VEPH1: variants seen among roughly 807,000 people sequenced by gnomAD.
VEPH1 encodes ventricular zone-expressed PH domain-containing protein homolog 1.
Under a neutral mutation model 85.2 loss-of-function variants are expected in VEPH1, and 80 were observed. The observed-to-expected ratio is 0.94, with a 90% CI of 0.78 to 1.13. The LOEUF is 1.13. Among genes scored for constraint, VEPH1 ranks in the 50% most tolerant of loss-of-function variants. The probability of loss-of-function intolerance (pLI) is 0.00; values close to 1 mark genes in which losing one functional copy is unlikely to be tolerated. For missense variants in VEPH1, 955 were observed against 980.5 expected, an observed-to-expected ratio of 0.97 and a Z score of 0.35; for synonymous variants, 297 against 348.0, an observed-to-expected ratio of 0.85 and a Z score of 1.63.
chr3:157,421,724 C>T (rs1732352952), intron 5 of VEPH1, among the ~76,000 whole-genome samples: 2 of 152,156 alleles, frequency 1.3e-5, no homozygotes, highest in Non-Finnish European at 1.5e-5. Context: ...TCTAGGGGTG[C>T]TGGCAGCAGG....
chr3:157,409,829 C>G (rs1285683855), intron 6 of VEPH1: 1 of 985,362 alleles, frequency 1.0e-6, no homozygotes, highest in Non-Finnish European at 1.2e-6. Flanking sequence ...CCGTCTCTAC[C>G]CCCATGGCCA....
chr3:157,481,596 C>A (rs544276933), intron 2 of VEPH1, among the ~76,000 whole-genome samples: 249 of 151,970 alleles, frequency 1.6e-3, no homozygotes, highest in African/African-American at 5.7e-3. Context: ...GAAACAGAAG[C>A]TCTTTAGCTT....
Position 157,470,355 on chromosome 3 carries a change from G to A in VEPH1, c.313C>T (p.His105Tyr). ...RPFGKDEDTP[H>Y]AKIASDIMSC... is the part of the protein sequence containing the mutation. ...ATGATATCAGATGCGATTTTTGCAT[G>A]AGGAGTGTCTTCGTCTTTCCCAAAG... Residue 105 changes from histidine (H) to tyrosine (Y), a missense_variant, in exon 3 of 14, where the codon CAT (histidine) becomes TAT (tyrosine). Physicochemically the swap from His to Tyr is moderately conservative, Grantham distance 83. Coordinates refer to ENST00000362010, the MANE Select transcript of VEPH1 (RefSeq NM_001167912.2). 1 of 1,614,068 alleles carries A rather than the reference G, an allele frequency of 6.2e-7. No individual in the cohort carries two copies. The highest frequency in any genetic ancestry group is 8.5e-7 in the Non-Finnish European group (1 of 1,180,002).
chr3:157,432,540 A>G (rs965251030), intron 4 of VEPH1, among the ~76,000 whole-genome samples: 1 of 152,080 alleles, frequency 6.6e-6, no homozygotes, highest in African/African-American at 2.4e-5. Flanking sequence ...AATTTTTTCT[A>G]TTGAGTAGTC....
At chr3:157,359,675 T>G (rs1227910957) in intron 9 of VEPH1, among the ~76,000 whole-genome samples, 2 of 152,232 alleles carry the variant, frequency 1.3e-5, no homozygotes, top group Non-Finnish European at 2.9e-5. Flanking sequence ...GTGACCCTGA[T>G]TCAACTCATA....
At chr3:157,485,252 GAAC>G (rs917455970) in intron 2 of VEPH1, among the ~76,000 whole-genome samples, 4 of 152,024 alleles carry the variant, frequency 2.6e-5, no homozygotes, top group Non-Finnish European at 5.9e-5. Context: ...ACATTGGTAG[GAAC>G]AACAAGGTAT....
At chr3:157,484,102 G>T (rs1211833682) in intron 2 of VEPH1, among the ~76,000 whole-genome samples, 1 of 151,914 alleles carries the variant, frequency 6.6e-6, no homozygotes. Context: ...AAGTAGATTC[G>T]GTATAAAGAA....
At chr3:157,394,825 G>A (rs985296079) in intron 6 of VEPH1, among the ~76,000 whole-genome samples, 2 of 152,074 alleles carry the variant, frequency 1.3e-5, no homozygotes, top group African/African-American at 4.8e-5. Flanking sequence ...TGGCTCACTA[G>A]GGGTAATTGT....
intron 11 of VEPH1, among the ~76,000 whole-genome samples, chr3:157,290,310 A>G (rs1352421762): frequency 6.6e-6 from 1 of 152,204 alleles, no homozygotes; most frequent in East Asian, 1.9e-4. Context: ...TGAACCTCCA[A>G]ATGAAAACAC....
rs1257545031 is a variant in VEPH1 at position 157,470,316 on chromosome 3, G to A, written c.352C>T (p.Gln118Ter). 5 of 1,614,032 alleles carry A rather than the reference G, an allele frequency of 3.1e-6. No individual in the cohort carries two copies. In the African/African-American group the frequency reaches 4.0e-5, roughly 13 times the overall value. ...CCTGATGTTGAACACTGACATACCTGTAAAATGCAACTCATGATATCAGAT... is the reference window on the plus strand; with the variant it reads ...CCTGATGTTGAACACTGACATACCTATAAAATGCAACTCATGATATCAGAT... ...IASDIMSCILQNYNRPPVMAL... is the reference protein window; with the variant it reads ...IASDIMSCIL The change falls in exon 3 of 14, where the codon CAG becomes TAG. Residue 118 changes from glutamine to a stop codon, truncating the protein, a stop_gained and splice_region_variant. Coordinates refer to ENST00000362010, the MANE Select transcript of VEPH1 (RefSeq NM_001167912.2). LOFTEE classifies it high-confidence loss of function.
At chr3:157,299,631 C>T (rs1005354360) in intron 11 of VEPH1, among the ~76,000 whole-genome samples, 3 of 148,480 alleles carry the variant, frequency 2.0e-5, no homozygotes, top group Non-Finnish European at 3.0e-5. Context: ...AGTCTCAAAA[C>T]ATTTACTGAG....
At chr3:157,470,785 G>A (rs577015430) in intron 2 of VEPH1, among the ~76,000 whole-genome samples, 6 of 152,222 alleles carry the variant, frequency 3.9e-5, no homozygotes, top group East Asian at 1.9e-4. Context: ...GTACACAGGC[G>A]CTTAACTATT....
chr3:157,455,291 C>A (rs1735279381), intron 4 of VEPH1, among the ~76,000 whole-genome samples: 1 of 152,126 alleles, frequency 6.6e-6, no homozygotes, highest in Admixed American at 6.6e-5. Flanking sequence ...GACATTTTGA[C>A]TGGTATGAGA....
intron 7 of VEPH1, among the ~76,000 whole-genome samples, chr3:157,378,985 A>G (rs952303486): frequency 6.6e-6 from 1 of 152,178 alleles, no homozygotes; most frequent in African/African-American, 2.4e-5. Context: ...TCTCTTGCCA[A>G]CTGGCTGCTC....
At chr3:157,293,415 A>G (rs997465488) in intron 11 of VEPH1, among the ~76,000 whole-genome samples, 1 of 152,224 alleles carries the variant, frequency 6.6e-6, no homozygotes, top group Non-Finnish European at 1.5e-5. Flanking sequence ...AAATAAACTT[A>G]TACTTCTATC....
In VEPH1 at chr3:157,381,395, A is replaced by G. The variant is rs1298419820; in HGVS notation, c.907-19T>C. On this transcript the variant is annotated intron_variant, in intron 6 of 13. Transcript: ENST00000362010. Reference sequence around the variant, plus strand: ...CTCTCTCCTACCAAAAACAATGAAGAAAATAGGTTTATCTTTTAGAAGAAA... The same window carrying G: ...CTCTCTCCTACCAAAAACAATGAAGGAAATAGGTTTATCTTTTAGAAGAAA... 6 of 1,612,294 alleles carry G rather than the reference A, an allele frequency of 3.7e-6. No individual in the cohort carries two copies. In the African/African-American group the frequency reaches 8.0e-5, roughly 22 times the overall value.
Position 157,446,243 on chromosome 3 carries a change from G to T in VEPH1, c.529+13938C>A, listed in dbSNP as rs954702309. Among the ~76,000 whole-genome samples, 25 of 151,680 alleles carry T rather than the reference G, an allele frequency of 1.6e-4. 1 individual carries two copies. Among genetic ancestry groups the T allele is most frequent in the African/African-American group, 6.1e-4 (25 of 41,150 alleles). ...GTAGAGTGAACAACTGTCCTGGTTT[G>T]CCTAAGACTGTCCCATCTTTAGCAC... On this transcript the variant is annotated intron_variant, in intron 4 of 13. Coordinates refer to ENST00000362010, the MANE Select transcript of VEPH1 (RefSeq NM_001167912.2).
intron 11 of VEPH1, among the ~76,000 whole-genome samples, chr3:157,288,439 C>T (rs1717055018): frequency 6.6e-6 from 1 of 152,106 alleles, no homozygotes; most frequent in Non-Finnish European, 1.5e-5. Context: ...ATTCTCAGTT[C>T]TAAATTTCTT....
At chr3:157,428,510 G>A (rs1732914731) in intron 4 of VEPH1, 22 bp from the exon 5 acceptor site, 2 of 1,606,648 alleles carry the variant, frequency 1.2e-6, no homozygotes, top group African/African-American at 1.3e-5. Flanking sequence ...ACAATAAAGG[G>A]AATGATGACT....
Sources: allele counts gnomAD v4.1 joint callset (sites outside exome capture counted in the v4.1 genomes callset), GRCh38; gene constraint gnomAD v4.1.1; transcripts MANE v1.5; gene names NCBI Gene and HGNC (gene_info 2026-07-23, HGNC 2026-07-21).